The following MAST4 variants were observed in gnomAD, a reference collection of about 807,000 sequenced individuals.
The protein encoded by MAST4 is microtubule-associated serine/threonine-protein kinase 4.
In MAST4, 89 loss-of-function variants were observed where a neutral mutation model predicts 162.7. The observed-to-expected ratio is 0.55, with a 90% CI of 0.46 to 0.65. The LOEUF (loss-of-function observed/expected upper bound fraction) is 0.65, where lower values mean the gene tolerates loss of function less well. Ranked by LOEUF, MAST4 falls within the 30% of genes least tolerant of loss-of-function variation. The pLI is 0.00. For missense variants in MAST4, 3,153 were observed against 3,374.0 expected (o/e 0.93, Z 1.62); for synonymous variants, 1,479 against 1,361.1 (o/e 1.09, Z -1.91).
chr5:67,109,094 A>G (rs575527128), intron 10 of MAST4, among the ~76,000 whole-genome samples: 22 of 151,890 alleles, frequency 1.4e-4, no homozygotes, highest in African/African-American at 5.3e-4. Flanking sequence ...GACTATTAAC[A>G]AACAGTTTTG....
intron 1 of MAST4, among the ~76,000 whole-genome samples, chr5:66,616,157 T>C (rs10805413): frequency 0.78 from 119,119 of 152,026 alleles, 46,979 homozygotes; most frequent in Non-Finnish European, 0.84. Flanking sequence ...CTGAAACAAA[T>C]GCCAGCCACT....
At chr5:66,648,941 C>T (rs573407893) in intron 1 of MAST4, among the ~76,000 whole-genome samples, 12 of 151,932 alleles carry the variant, frequency 7.9e-5, no homozygotes, top group African/African-American at 2.7e-4. Flanking sequence ...ATTTTAAAAA[C>T]CTTTAAATTT....
intron 4 of MAST4, among the ~76,000 whole-genome samples, chr5:66,975,065 C>G (rs1747958106): frequency 6.6e-6 from 1 of 152,090 alleles, no homozygotes; most frequent in Non-Finnish European, 1.5e-5. Flanking sequence ...TGGATTATCT[C>G]AATAGTTCCT....
intron 1 of MAST4, among the ~76,000 whole-genome samples, chr5:66,752,422 T>C (rs1282387036): frequency 1.4e-5 from 2 of 147,908 alleles, no homozygotes; most frequent in African/African-American, 5.1e-5. Context: ...GAGACACACA[T>C]AGGCTCAAAA....
Position 67,095,729 on chromosome 5 carries a change from T to C in MAST4, c.912+54T>C, listed in dbSNP as rs1366780243. The C allele has an allele frequency of 4.4e-5, 59 of 1,328,994 alleles. No individual in the cohort carries two copies. In the South Asian group the frequency reaches 5.9e-4, roughly 13 times the overall value. The allele number at this position is 1,328,994 out of a possible 1,614,324, so 82.3% of individuals were successfully genotyped here. A position where few individuals can be genotyped will look rare whatever the true frequency, so the allele number is the denominator to read the frequency against. On this transcript the variant is annotated intron_variant, in intron 7 of 28. Transcript: ENST00000403625. ...CTCTTCCTCACAACAACAGAGCTAT[T>C]ACACAGGCAGTGTTTTCTCTGGGTG...
intron 21 of MAST4, 116 bp from the exon 22 acceptor site, chr5:67,144,553 A>C: frequency 5.7e-6 from 6 of 1,061,526 alleles, no homozygotes; most frequent in Non-Finnish European, 8.3e-6. Context: ...TTCTGAATAC[A>C]CAATATTAGT....
rs2151069049 is a variant in MAST4, at chr5:67,149,586, G to A, written c.3292G>A (p.Gly1098Arg). The A allele has an allele frequency of 6.2e-7, 1 of 1,613,360 alleles. No individual in the cohort carries two copies. The highest frequency in any genetic ancestry group is 2.2e-5 in the East Asian group (1 of 44,884). The change falls in exon 24 of 29, where the codon GGA (glycine) becomes AGA (arginine). Residue 1098 changes from glycine to arginine, a missense_variant. Physicochemically the swap from Gly to Arg is moderately radical, Grantham distance 125 (BLOSUM62 -2). Around this residue, in one of 7 missense-constraint regions of MAST4, gnomAD observed 619 missense variants for 744.2 expected, o/e 0.83. Coordinates refer to ENST00000403625, the MANE Select transcript of MAST4 (RefSeq NM_001164664.2). ...CAGTGCTCTTTCCCTCATGATCCCA[G>A]GAGGTAGAGAGATACTACTTGCATG... ...SASALSLMIPGDMFAVSPLGS... is the reference protein window; with the variant it reads ...SASALSLMIPRDMFAVSPLGS...
At chr5:66,807,799 C>G (rs1414309028) in intron 3 of MAST4, among the ~76,000 whole-genome samples, 1 of 152,180 alleles carries the variant, frequency 6.6e-6, no homozygotes, top group South Asian at 2.1e-4. Context: ...AGAATGGGTC[C>G]CTCAGGCAGC....
At chr5:66,619,270 A>G (rs866808027) in intron 1 of MAST4, among the ~76,000 whole-genome samples, 1 of 152,174 alleles carries the variant, frequency 6.6e-6, no homozygotes, top group Non-Finnish European at 1.5e-5. Flanking sequence ...CTGGGTACCA[A>G]ATTATGCTGT....
In MAST4 at chr5:67,102,584, C is replaced by T; in HGVS notation, c.1119C>T (p.Asn373=). 3 of 1,613,804 alleles carry T rather than the reference C, an allele frequency of 1.9e-6. No individual in the cohort carries two copies. The highest frequency in any genetic ancestry group is 2.5e-6 in the Non-Finnish European group (3 of 1,179,782). The change falls in exon 9 of 29, where the codon AAC becomes AAT. Residue 373 remains asparagine (N), a synonymous_variant. Transcript: ENST00000403625. ...ACCDHEIIMM[N]HVYKERFPKA... ...GTGACCATGAAATAATTATGATGAA[C>T]CATGTCTACAAAGAAAGGTTCCCAA...
intron 2 of MAST4, among the ~76,000 whole-genome samples, chr5:66,771,079 A>C (rs528719722): frequency 2.6e-5 from 4 of 152,208 alleles, no homozygotes; most frequent in African/African-American, 9.6e-5. Flanking sequence ...AGTAACTGGA[A>C]TTCTTCAACA....
At chr5:66,898,039 T>C (rs1192551291) in intron 3 of MAST4, among the ~76,000 whole-genome samples, 3 of 152,238 alleles carry the variant, frequency 2.0e-5, no homozygotes, top group Admixed American at 6.5e-5. Flanking sequence ...TTGTTATTAA[T>C]GATAACACCT....
intron 5 of MAST4, among the ~76,000 whole-genome samples, chr5:67,080,930 TAATTATATA>T (rs1762518206): frequency 7.0e-6 from 1 of 142,932 alleles, no homozygotes; most frequent in Admixed American, 7.4e-5. Flanking sequence ...ATGTTTTCTT[TAATTATATA>T]TATTATATAA....
chr5:66,882,266 A>G (rs257698), intron 3 of MAST4, among the ~76,000 whole-genome samples: 69,511 of 151,904 alleles, frequency 0.46, 16,316 homozygotes, highest in East Asian at 0.67. Context: ...GGGTATGTGG[A>G]TTAATGATTT....
chr5:66,990,268 A>C lies in MAST4; in HGVS notation c.675-64136A>C, dbSNP rs545170211. Among the ~76,000 whole-genome samples, 107 of 152,326 alleles carry C rather than the reference A, an allele frequency of 7.0e-4. 1 individual carries two copies. The highest frequency in any genetic ancestry group is 2.5e-3 in the African/African-American group (104 of 41,568). ...AGTACTACTATTCCCATTTTACAGA[A>C]TAGGAAACTAAGGTACTTAGAGGTT... On this transcript the variant is annotated intron_variant, in intron 4 of 28. Coordinates refer to ENST00000403625, the MANE Select transcript of MAST4 (RefSeq NM_001164664.2).
intron 1 of MAST4, among the ~76,000 whole-genome samples, chr5:66,729,993 G>A (rs561652515): frequency 6.6e-6 from 1 of 152,254 alleles, no homozygotes; most frequent in Admixed American, 6.5e-5. Flanking sequence ...TGAACCTAGG[G>A]TTGTTGCTAC....
intron 5 of MAST4, among the ~76,000 whole-genome samples, chr5:67,061,283 A>G (rs1759558790): frequency 6.6e-6 from 1 of 152,206 alleles, no homozygotes; most frequent in South Asian, 2.1e-4. Flanking sequence ...CAAACATAAT[A>G]TCTTACTATT....
chr5:67,117,360 C>T (rs1269675826), intron 12 of MAST4, among the ~76,000 whole-genome samples: 1 of 152,078 alleles, frequency 6.6e-6, no homozygotes, highest in Non-Finnish European at 1.5e-5. Context: ...TTGGCAATGT[C>T]GTTATTCCAG....
At chr5:66,681,895 A>G (rs1748354900) in intron 1 of MAST4, among the ~76,000 whole-genome samples, 1 of 152,074 alleles carries the variant, frequency 6.6e-6, no homozygotes, top group African/African-American at 2.4e-5. Flanking sequence ...AGGTAGTTTT[A>G]GATTCATAAA....
Sources: gnomAD v4.1 joint callset for allele counts (sites outside exome capture counted in the v4.1 genomes callset) on GRCh38, gnomAD v4.1.1 for gene constraint, gnomAD v4.1.1 regional missense constraint, MANE v1.5 for transcripts, NCBI Gene and HGNC (gene_info 2026-07-23, HGNC 2026-07-21) for gene names.